The following RAB1B variants were observed in gnomAD, a reference collection of about 807,000 sequenced individuals.
RAB1B encodes the protein RAB1B, member RAS oncogene family, also known as ras-related protein Rab-1B.
RAB1B carries 10 observed loss-of-function variants against 24.8 expected under a neutral mutation model. The observed-to-expected ratio is 0.40, with a 90% CI of 0.25 to 0.68. The LOEUF is 0.68. RAB1B is among the 30% of genes least tolerant of loss of function. RAB1B has a pLI of 0.37. For synonymous variants in RAB1B, 99 were observed against 111.7 expected (o/e 0.89, Z 0.72); for missense variants, 154 against 271.2 (o/e 0.57, Z 3.04).
intron 1 of RAB1B, chr11:66,271,524 AGTG>A (rs1036911619): frequency 2.2e-4 from 57 of 253,798 alleles, no homozygotes; most frequent in South Asian, 2.8e-4. Flanking sequence ...ATTAGCTAGA[AGTG>A]GTGGTGGTGG....
At chr11:66,272,624 C>T (rs1857079100) in intron 4 of RAB1B, 164 bp downstream of exon 4, 1 of 513,474 alleles carries the variant, frequency 1.9e-6, no homozygotes. Flanking sequence ...GGTGACTGTA[C>T]TTGGACTCAT....
At chr11:66,271,701 G>A (rs1857060876) in intron 1 of RAB1B, 96 bp from the exon 2 acceptor site, 1 of 823,428 alleles carries the variant, frequency 1.2e-6, no homozygotes, top group East Asian at 2.4e-5. Context: ...ACCAAGGGAT[G>A]CCTCATGGGG....
chr11:66,274,068 G>A (rs1857103304), intron 4 of RAB1B, among the ~76,000 whole-genome samples: 1 of 152,088 alleles, frequency 6.6e-6, no homozygotes, highest in Admixed American at 6.5e-5. Flanking sequence ...TCAACCTCCT[G>A]GGCTTAAGGG....
intron 4 of RAB1B, among the ~76,000 whole-genome samples, chr11:66,274,478 AAATC>A (rs1472863891): frequency 6.6e-6 from 1 of 152,172 alleles, no homozygotes; most frequent in Admixed American, 6.5e-5. Context: ...TGGTCTGACT[AAATC>A]CTGTGTGCTT....
chr11:66,275,996 T>C, intron 5 of RAB1B, 48 bp from the exon 6 acceptor site: 1 of 1,588,178 alleles, frequency 6.3e-7, no homozygotes, highest in Non-Finnish European at 8.6e-7. Flanking sequence ...CCTCACCTGC[T>C]CTCCCCTCCT....
In RAB1B at chr11:66,268,669, C is replaced by T. The variant is rs1856982806; in HGVS notation, c.-11C>T. 6.4e-7 allele frequency: 1 copy of T among 1,564,658 alleles called. No homozygotes were observed. The highest frequency in any genetic ancestry group is 8.6e-7 in the Non-Finnish European group (1 of 1,157,244). On this transcript the variant is annotated 5_prime_UTR_variant, in exon 1 of 6. Coordinates refer to ENST00000311481, the MANE Select transcript of RAB1B (RefSeq NM_030981.3). Reference sequence around the variant, plus strand: ...CGACTGGGAGCGACCGAGCGGGCCGCCGCCGCCGCCATGAACCCCGAATAG... The same window carrying T: ...CGACTGGGAGCGACCGAGCGGGCCGTCGCCGCCGCCATGAACCCCGAATAG...
chr11:66,272,391 C>T lies in RAB1B; in HGVS notation c.210C>T (p.Phe70=), dbSNP rs1248294804. 1.2e-6 allele frequency: 2 copies of T among 1,610,288 alleles called. No individual in the cohort carries two copies. Among genetic ancestry groups the T allele is most frequent in the South Asian group, 2.2e-5 (2 of 90,568 alleles). The change falls in exon 4 of 6, where the codon TTC becomes TTT. Residue 70 remains phenylalanine, a synonymous_variant. Transcript: ENST00000311481. ...GGGACACAGCGGGCCAGGAACGGTT[C>T]CGGACCATCACTTCCAGCTACTACC... The part of the protein sequence containing the change: ...QIWDTAGQER[F]RTITSSYYRG...
In RAB1B at chr11:66,276,460, C is replaced by T. The variant is rs543582053; in HGVS notation, c.*222C>T. 38 of 534,826 alleles carry T rather than the reference C, an allele frequency of 7.1e-5. No individual in the cohort carries two copies. Among genetic ancestry groups the T allele is most frequent in the Middle Eastern group, 9.6e-4 (2 of 2,078 alleles). The allele number at this position is 534,826 out of a possible 1,614,324, so 33.1% of individuals were successfully genotyped here. ...ACTCAGGGCCTGTGGCCAGGCAGGG[C>T]GGAGGCCTGCTGTGCTGTTGCCTCT... On this transcript the variant is annotated 3_prime_UTR_variant, in exon 6 of 6. Coordinates refer to ENST00000311481, the MANE Select transcript of RAB1B (RefSeq NM_030981.3).
intron 4 of RAB1B, 22 bp from the exon 5 acceptor site, chr11:66,275,782 T>C (rs55931871): frequency 0.28 from 437,286 of 1,558,682 alleles, 64,812 homozygotes; most frequent in South Asian, 0.47. Context: ...GCAAAATAAC[T>C]TTGGCCCCTG....
rs765715920 is a variant in RAB1B at position 66,276,227 on chromosome 11, G to A, written c.595G>A (p.Gly199Ser). ...CACCCCTGTAAAGCCGGCTGGCGGT[G>A]GCTGTTGCTAGGAGGGGCACATGGA... is the stretch of plus-strand genomic sequence containing the variant. The part of the protein sequence containing the change: ...DSTPVKPAGG[G>S]CC Residue 199 changes from glycine (G) to serine (S), a missense_variant, in exon 6 of 6, where the codon GGC becomes AGC. Coordinates refer to ENST00000311481, the MANE Select transcript of RAB1B (RefSeq NM_030981.3). 5 of 1,590,016 alleles carry A rather than the reference G, an allele frequency of 3.1e-6. No homozygotes were observed. The African/African-American group carries it at 5.4e-5, about 17-fold the overall frequency.
intron 4 of RAB1B, 58 bp from the exon 5 acceptor site, chr11:66,275,746 G>A: frequency 6.5e-7 from 1 of 1,531,422 alleles, no homozygotes. Flanking sequence ...TCTTCTCCAG[G>A]CCTGGGGTAG....
chr11:66,269,126 C>T (rs1213418486), intron 1 of RAB1B, among the ~76,000 whole-genome samples: 1 of 152,138 alleles, frequency 6.6e-6, no homozygotes, highest in Non-Finnish European at 1.5e-5. Context: ...CTCTACCCTT[C>T]TCTTTCTCCT....
chr11:66,270,856 A>G (rs186024983), intron 1 of RAB1B: 11 of 152,374 alleles, frequency 7.2e-5, no homozygotes, highest in Admixed American at 3.3e-4. Flanking sequence ...GGACCAAACC[A>G]TGAAGTTTCA....
chr11:66,271,683 AAAAAT>A (rs781289169), intron 1 of RAB1B, 109 bp from the exon 2 acceptor site: 2 of 734,430 alleles, frequency 2.7e-6, no homozygotes, highest in South Asian at 1.6e-5. Context: ...AAAAAAAAAT[AAAAAT>A]AAACCAAGGG....
In RAB1B at chr11:66,272,478, A is replaced by G. The variant is rs766389752; in HGVS notation, c.279+18A>G. ...CTGACCAGGTACTCCTGGACTAGCC[A>G]TCCTCAGCTTGGCCTCCTTAGCCTT... On this transcript the variant is annotated intron_variant, in intron 4 of 5. Coordinates refer to ENST00000311481, the MANE Select transcript of RAB1B (RefSeq NM_030981.3). The G allele has an allele frequency of 9.8e-6, 15 of 1,536,106 alleles. No individual in the cohort carries two copies. The highest frequency in any genetic ancestry group is 2.7e-5 in the African/African-American group (2 of 72,828).
chr11:66,275,716 A>T, intron 4 of RAB1B, 88 bp from the exon 5 acceptor site: 1 of 1,425,276 alleles, frequency 7.0e-7, no homozygotes, highest in Non-Finnish European at 9.5e-7. Flanking sequence ...CCGGAGCTGT[A>T]CTGTTCCCCT....
At chr11:66,273,718 C>T (rs955058603) in intron 4 of RAB1B, among the ~76,000 whole-genome samples, 2 of 152,164 alleles carry the variant, frequency 1.3e-5, no homozygotes, top group African/African-American at 4.8e-5. Flanking sequence ...CACTTTGTGT[C>T]TGTATTAATC....
At position 66,272,570 on chromosome 11, in the gene RAB1B, A is replaced by G. The variant is rs1857077856; in HGVS notation, c.279+110A>G. 1.1e-5 allele frequency: 8 copies of G among 736,894 alleles called. No homozygotes were observed. The Admixed American group carries it at 1.2e-4, about 11-fold the overall frequency. The allele number at this position is 736,894 out of a possible 1,614,324, so 45.6% of individuals were successfully genotyped here. ...CCTGATGCTTCCTGGAAAGGACACTATTTGTCTGCTTACAGGAACTAACTA... is the reference window on the plus strand; with the variant it reads ...CCTGATGCTTCCTGGAAAGGACACTGTTTGTCTGCTTACAGGAACTAACTA... On this transcript the variant is annotated intron_variant, in intron 4 of 5. Coordinates refer to ENST00000311481, the MANE Select transcript of RAB1B (RefSeq NM_030981.3).
intron 3 of RAB1B, 40 bp from the exon 4 acceptor site, chr11:66,272,323 CTG>C: frequency 1.9e-6 from 3 of 1,606,228 alleles, no homozygotes; most frequent in Admixed American, 1.7e-5. Context: ...CTCTGGGACT[CTG>C]GACCTCAGCT....
Sources: allele counts gnomAD v4.1 joint callset (sites outside exome capture counted in the v4.1 genomes callset), GRCh38; gene constraint gnomAD v4.1.1; transcripts MANE v1.5; gene names NCBI Gene and HGNC (gene_info 2026-07-23, HGNC 2026-07-21).